IMMT: variants seen among roughly 807,000 people sequenced by gnomAD.
The protein encoded by IMMT is inner membrane mitochondrial protein.
In IMMT, 40 loss-of-function variants were observed where a neutral mutation model predicts 92.7. The ratio of observed to expected loss-of-function variants is 0.43; its 90% confidence interval spans 0.34 to 0.56. IMMT has a LOEUF of 0.56. Among genes scored for constraint, IMMT ranks in the 20% least tolerant of loss-of-function variants. IMMT has a pLI of 0.03. For missense variants in IMMT, 831 were observed against 912.1 expected (o/e 0.91, Z 1.14); for synonymous variants, 322 against 336.1 (o/e 0.96, Z 0.46).
At position 86,164,270 on chromosome 2, in the gene IMMT, T is replaced by A. The variant is rs370862496; in HGVS notation, c.793-2191A>T. 1.8e-3 allele frequency among the ~76,000 whole-genome samples: 278 copies of A among 151,496 alleles called. 12 individuals carry two copies. In the South Asian group the frequency reaches 0.057, roughly 31 times the overall value. ...CGGGGTTTCTCCATGTTGGTCAGGC[T>A]GGTCTCGAACTCCTGACCTCAAATG... On this transcript the variant is annotated intron_variant, in intron 7 of 14. Coordinates refer to ENST00000410111, the MANE Select transcript of IMMT (RefSeq NM_006839.3).
chr2:86,167,029 T>C lies in IMMT; in HGVS notation c.656-385A>G, dbSNP rs547087472. On this transcript the variant is annotated intron_variant, in intron 6 of 14. Transcript: ENST00000410111. Reference sequence around the variant, plus strand: ...AGGAGAATCGCTTGAACCTGGGAGGTGGAGCTTGCAGTGAGCCGAGATCAT... The same window carrying C: ...AGGAGAATCGCTTGAACCTGGGAGGCGGAGCTTGCAGTGAGCCGAGATCAT... Among the ~76,000 whole-genome samples the C allele has an allele frequency of 1.7e-3, 254 of 148,082 alleles. 2 individuals carry two copies. The highest frequency in any genetic ancestry group is 3.5e-3 in the Middle Eastern group (1 of 282).
intron 12 of IMMT, among the ~76,000 whole-genome samples, chr2:86,149,135 A>G (rs1445514800): frequency 6.6e-6 from 1 of 152,224 alleles, no homozygotes; most frequent in African/African-American, 2.4e-5. Flanking sequence ...ACAGGGCAAC[A>G]TAACAGAAAG....
intron 1 of IMMT, among the ~76,000 whole-genome samples, chr2:86,191,534 A>G (rs1673116447): frequency 6.6e-6 from 1 of 151,980 alleles, no homozygotes; most frequent in Non-Finnish European, 1.5e-5. Context: ...TGGCTGTCCT[A>G]GGTCTCCAGT....
chr2:86,158,394 T>TA (rs1676012672), intron 10 of IMMT, 198 bp downstream of exon 10: 1 of 421,832 alleles, frequency 2.4e-6, no homozygotes, highest in Non-Finnish European at 4.4e-6. Flanking sequence ...GAACTCATGT[T>TA]CACCACAGCT....
chr2:86,191,140 G>GT (rs1440301772), intron 1 of IMMT, among the ~76,000 whole-genome samples: 2 of 151,792 alleles, frequency 1.3e-5, no homozygotes, highest in African/African-American at 4.8e-5. Flanking sequence ...GAGCCCAGGA[G>GT]TTTGAGACCA....
At chr2:86,182,176 T>G (rs1163702668) in intron 1 of IMMT, among the ~76,000 whole-genome samples, 1 of 152,222 alleles carries the variant, frequency 6.6e-6, no homozygotes, top group African/African-American at 2.4e-5. Context: ...TCATAAACTT[T>G]AAACCATTCA....
chr2:86,156,593 C>CAAAAA (rs57252871), intron 10 of IMMT, among the ~76,000 whole-genome samples: 3 of 44,654 alleles, frequency 6.7e-5, no homozygotes, highest in Non-Finnish European at 9.5e-5. Context: ...GACTCCATCT[C>CAAAAA]AAAAAAAAAA....
chr2:86,162,221 T>TA, intron 7 of IMMT, 142 bp from the exon 8 acceptor site: 1 of 550,036 alleles, frequency 1.8e-6, no homozygotes, highest in South Asian at 2.4e-5. Context: ...TAAGAACTCT[T>TA]AATTTAAGGC....
chr2:86,163,655 T>C (rs970549048), intron 7 of IMMT, among the ~76,000 whole-genome samples: 1 of 152,102 alleles, frequency 6.6e-6, no homozygotes, highest in African/African-American at 2.4e-5. Context: ...AGAAGAAATA[T>C]TTGTCTTCAT....
At chr2:86,146,268 C>A in intron 13 of IMMT, 71 bp from the exon 14 acceptor site, 2 of 1,360,566 alleles carry the variant, frequency 1.5e-6, no homozygotes, top group African/African-American at 1.4e-5. Flanking sequence ...TGTAATCTTC[C>A]AGCAACTACT....
chr2:86,191,840 G>A (rs1389222687), intron 1 of IMMT, among the ~76,000 whole-genome samples: 1 of 151,850 alleles, frequency 6.6e-6, no homozygotes, highest in Non-Finnish European at 1.5e-5. Flanking sequence ...GCATGAACCC[G>A]GGAGGCGGAG....
chr2:86,164,338 T>C (rs560699141), intron 7 of IMMT, among the ~76,000 whole-genome samples: 189 of 151,494 alleles, frequency 1.2e-3, no homozygotes, highest in African/African-American at 4.4e-3. Flanking sequence ...ATTACAGGTA[T>C]GAGCCACCAC....
chr2:86,170,232 T>C (rs569678125), intron 6 of IMMT, among the ~76,000 whole-genome samples: 15 of 152,186 alleles, frequency 9.9e-5, no homozygotes, highest in South Asian at 6.2e-4. Context: ...CTAGGCAACA[T>C]AGTGAGATGC....
chr2:86,153,697 A>AT (rs1675651184), intron 10 of IMMT, 123 bp from the exon 11 acceptor site: 1 of 504,080 alleles, frequency 2.0e-6, no homozygotes, highest in African/African-American at 2.0e-5. Context: ...AGGAAAAGCT[A>AT]TTTTAATACT....
chr2:86,171,874 C>A (rs1467764553), intron 4 of IMMT, among the ~76,000 whole-genome samples: 1 of 146,796 alleles, frequency 6.8e-6, no homozygotes, highest in African/African-American at 2.7e-5. Flanking sequence ...TTTTTGCACA[C>A]TTTGGGAGGC....
chr2:86,164,787 C>CA (rs1348609781), intron 7 of IMMT, among the ~76,000 whole-genome samples: 4 of 151,828 alleles, frequency 2.6e-5, no homozygotes, highest in African/African-American at 9.7e-5. Context: ...ATCTGGGGGC[C>CA]AAAATTTATC....
intron 10 of IMMT, among the ~76,000 whole-genome samples, chr2:86,157,751 G>A (rs1476103596): frequency 2.1e-5 from 3 of 141,402 alleles, no homozygotes; most frequent in Non-Finnish European, 4.5e-5. Flanking sequence ...TCGCGCCATT[G>A]CACTCCGGCC....
At chr2:86,173,573 T>A in intron 4 of IMMT, 77 bp downstream of exon 4, 3 of 857,016 alleles carry the variant, frequency 3.5e-6, no homozygotes, top group Non-Finnish European at 5.6e-6. Flanking sequence ...AGAGCGAAAC[T>A]CCATCTCAAA....
At chr2:86,181,415 A>G in intron 1 of IMMT, 43 bp from the exon 2 acceptor site, 1 of 1,386,774 alleles carries the variant, frequency 7.2e-7, no homozygotes, top group Non-Finnish European at 1.0e-6. Context: ...GTTAAAGGAA[A>G]CTGGTAAGCT....
Sources: gnomAD v4.1 joint callset for allele counts (sites outside exome capture counted in the v4.1 genomes callset) on GRCh38, gnomAD v4.1.1 for gene constraint, MANE v1.5 for transcripts, NCBI Gene and HGNC (gene_info 2026-07-23, HGNC 2026-07-21) for gene names.